DHRS12: variants seen among roughly 807,000 people sequenced by gnomAD.
DHRS12 encodes the protein dehydrogenase/reductase 12.
In DHRS12, 29 loss-of-function variants were observed where a neutral mutation model predicts 32.1. The observed-to-expected ratio is 0.90, with a 90% CI of 0.67 to 1.23. The LOEUF (loss-of-function observed/expected upper bound fraction) is 1.23, where lower values mean the gene tolerates loss of function less well. Among genes scored for constraint, DHRS12 ranks in the 50% most tolerant of loss-of-function variants. The pLI is 0.00. For synonymous variants in DHRS12, 150 were observed against 135.9 expected, an observed-to-expected ratio of 1.10 and a Z score of -0.72; for missense variants, 330 against 337.2, an observed-to-expected ratio of 0.98 and a Z score of 0.17.
intron 2 of DHRS12, among the ~76,000 whole-genome samples, chr13:51,794,979 A>C (rs1203086351): frequency 6.6e-6 from 1 of 152,076 alleles, no homozygotes. Context: ...TACAGTAACC[A>C]GTACTCCTTT....
At chr13:51,759,867 A>G in the DHRS12 span, 13 of 1,348,258 alleles carry the variant, frequency 9.6e-6, no homozygotes, top group South Asian at 7.4e-5. Context: ...GTGAGAAGTA[A>G]GAAAGAAACT....
chr13:51,776,617 C>T (rs1345715489), intron 5 of DHRS12: 1 of 192,178 alleles, frequency 5.2e-6, no homozygotes, highest in Non-Finnish European at 1.1e-5. Flanking sequence ...CCCACCACAG[C>T]AGAGAGAAGG....
At chr13:51,765,674 T>TGTC (rs1360963627), downstream of DHRS12, 1 of 152,256 alleles carries the variant, frequency 6.6e-6, no homozygotes, top group African/African-American at 2.4e-5. Flanking sequence ...ATGCCTTTGT[T>TGTC]GTCTTCCATC....
At chr13:51,787,868 A>AATATATATAAAT (rs61044310) in intron 4 of DHRS12, among the ~76,000 whole-genome samples, 2 of 114,284 alleles carry the variant, frequency 1.8e-5, no homozygotes, top group African/African-American at 3.5e-5. Context: ...ATAATATATA[A>AATATATATAAAT]ATATATAATT....
chr13:51,767,973 AAAAG>A, downstream of DHRS12: 1 of 1,366,610 alleles, frequency 7.3e-7, no homozygotes, highest in Non-Finnish European at 9.4e-7. Flanking sequence ...TTAAAATAAG[AAAAG>A]AACCTGCTGC....
At chr13:51,757,259 TTAA>T in the DHRS12 span, among the ~76,000 whole-genome samples, 2 of 152,222 alleles carry the variant, frequency 1.3e-5, no homozygotes, top group Non-Finnish European at 2.9e-5. Context: ...CGTGATGAAA[TTAA>T]TGAGAGTTTT....
chr13:51,789,053 C>T (rs1162645128), intron 4 of DHRS12, among the ~76,000 whole-genome samples: 3 of 152,162 alleles, frequency 2.0e-5, no homozygotes, highest in African/African-American at 7.2e-5. Context: ...TGCCCTTCAA[C>T]CAGCCTTATC....
rs1307117961 is a variant in DHRS12 at position 51,790,068 on chromosome 13, T to C, written c.244A>G (p.Asn82Asp). The C allele has an allele frequency of 6.2e-7, 1 of 1,602,048 alleles. No homozygotes were observed. Among genetic ancestry groups the C allele is most frequent in the Non-Finnish European group, 8.5e-7 (1 of 1,176,306 alleles). The stretch of plus-strand genomic sequence containing the variant: ...CCATCTTCTGTGAGCTCTCTTTTAT[T>C]GACCATGCAACCTGCATTATTGATC... ...VLINNAGCMVNKRELTEDGLE... is the reference protein window; with the variant it reads ...VLINNAGCMVDKRELTEDGLE... Residue 82 changes from asparagine to aspartate, a missense_variant, in exon 4 of 9, where the codon AAT (asparagine) becomes GAT (aspartate). Physicochemically the swap from Asn to Asp is conservative, Grantham distance 23. Coordinates refer to ENST00000444610, the MANE Select transcript of DHRS12 (RefSeq NM_001377533.1).
intron 8 of DHRS12, 140 bp downstream of exon 8, chr13:51,769,016 A>G: frequency 6.9e-7 from 1 of 1,439,476 alleles, no homozygotes; most frequent in Non-Finnish European, 9.1e-7. Flanking sequence ...AGGCAAAGCA[A>G]TCATCTCGCC....
chr13:51,795,561 T>C (rs897996865), intron 2 of DHRS12, among the ~76,000 whole-genome samples: 2 of 152,136 alleles, frequency 1.3e-5, no homozygotes, highest in Non-Finnish European at 2.9e-5. Flanking sequence ...CAGGGATTGA[T>C]TTCCCAGGTG....
intron 6 of DHRS12, 46 bp downstream of exon 6, chr13:51,773,884 G>T: frequency 2.0e-6 from 3 of 1,537,690 alleles, no homozygotes; most frequent in Non-Finnish European, 2.7e-6. Flanking sequence ...AAGGGCCCTC[G>T]CAGCCCGTGG....
At chr13:51,767,859 G>T (rs557227664), downstream of DHRS12, 9 of 363,302 alleles carry the variant, frequency 2.5e-5, no homozygotes, top group East Asian at 9.7e-4. Context: ...GGAGTTCACA[G>T]GGGGGCATTC....
chr13:51,784,138 T>C (rs1306571011), intron 4 of DHRS12, among the ~76,000 whole-genome samples: 1 of 152,230 alleles, frequency 6.6e-6, no homozygotes, highest in Non-Finnish European at 1.5e-5. Context: ...ACTACAACCC[T>C]GCTCAGTGCA....
intron 1 of DHRS12, among the ~76,000 whole-genome samples, chr13:51,801,198 AT>A (rs367543849): frequency 3.3e-5 from 5 of 152,228 alleles, no homozygotes; most frequent in African/African-American, 1.2e-4. Flanking sequence ...TGACATTATT[AT>A]TTTTTGAGAC....
chr13:51,797,811 T>A, intron 2 of DHRS12: 6 of 1,534,052 alleles, frequency 3.9e-6, no homozygotes, highest in Non-Finnish European at 5.2e-6. Context: ...GCAGGAGGGG[T>A]GAGGAGCTGC....
chr13:51,782,243 CAG>C lies in DHRS12; in HGVS notation c.302-5124_302-5123del, dbSNP rs1183041589. ...GGGCTGGAAGGGGGCCCTTGGGAGC[CAG>C]GCACATGATGGCATTGGGGCAAGGA... On this transcript the variant is annotated intron_variant, in intron 4 of 8. Coordinates refer to ENST00000444610, the MANE Select transcript of DHRS12 (RefSeq NM_001377533.1). The surrounding 1 kb of genome is among the most constrained non-coding windows in gnomAD (Gnocchi z 4.2). Among the ~76,000 whole-genome samples, 2 of 152,068 alleles carry C rather than the reference CAG, an allele frequency of 1.3e-5. No homozygotes were observed. Among genetic ancestry groups the C allele is most frequent in the African/African-American group, 4.8e-5 (2 of 41,392 alleles).
At chr13:51,776,579 G>A (rs1954415922) in intron 5 of DHRS12, 1 of 168,740 alleles carries the variant, frequency 5.9e-6, no homozygotes, top group Non-Finnish European at 1.3e-5. Flanking sequence ...GAACTTTCGG[G>A]TCGGGGGTGG....
At chr13:51,790,553 C>A (rs1955219615) in intron 3 of DHRS12, among the ~76,000 whole-genome samples, 1 of 151,966 alleles carries the variant, frequency 6.6e-6, no homozygotes, top group African/African-American at 2.4e-5. Context: ...GGCCTTGAAA[C>A]CTGCTAATTT....
intron 4 of DHRS12, among the ~76,000 whole-genome samples, chr13:51,780,178 A>AAAATAAAT (rs57632376): frequency 0.016 from 2,360 of 151,130 alleles, 38 homozygotes; most frequent in Non-Finnish European, 0.021. Flanking sequence ...TTCCATCTCA[A>AAAATAAAT]AAATAAATAA....
Sources: allele counts gnomAD v4.1 joint callset (sites outside exome capture counted in the v4.1 genomes callset), GRCh38; gene constraint gnomAD v4.1.1; non-coding constraint Gnocchi (gnomAD v3.1); transcripts MANE v1.5; gene names NCBI Gene and HGNC (gene_info 2026-07-23, HGNC 2026-07-21).